Variants in CDK7 observed in about 807,000 individuals in gnomAD.
CDK7 encodes cyclin-dependent kinase 7.
In CDK7, 25 loss-of-function variants were observed where a neutral mutation model predicts 49.1. The ratio of observed to expected loss-of-function variants is 0.51; its 90% CI spans 0.37 to 0.71. CDK7 has a LOEUF of 0.71. Among genes scored for constraint, CDK7 ranks in the 30% least tolerant of loss-of-function variants. CDK7 has a pLI of 0.00. For synonymous variants in CDK7, 107 were observed against 140.0 expected (o/e 0.76, Z 1.67); for missense variants, 316 against 411.7 (o/e 0.77, Z 2.01).
At chr5:69,249,537 C>G (rs916679574) in intron 2 of CDK7, among the ~76,000 whole-genome samples, 1 of 145,342 alleles carries the variant, frequency 6.9e-6, no homozygotes, top group South Asian at 2.2e-4. Flanking sequence ...AGTGACAGAG[C>G]AAGACTCTGT....
At chr5:69,263,298 AGCCATAT>A (rs1750951105) in intron 8 of CDK7, among the ~76,000 whole-genome samples, 1 of 152,182 alleles carries the variant, frequency 6.6e-6, no homozygotes, top group African/African-American at 2.4e-5. Flanking sequence ...CCTCTCCTTA[AGCCATAT>A]GTATTTAAAG....
chr5:69,258,868 G>T, intron 6 of CDK7, among the ~76,000 whole-genome samples: 1 of 152,126 alleles, frequency 6.6e-6, no homozygotes, highest in East Asian at 1.9e-4. Flanking sequence ...TCGAGCCCAG[G>T]AGTTCTAGAC....
At chr5:69,269,350 C>G (rs760814592) in intron 9 of CDK7, 57 bp downstream of exon 9, 13 of 1,166,440 alleles carry the variant, frequency 1.1e-5, no homozygotes, top group Admixed American at 4.1e-5. Context: ...AGTTCTTAAA[C>G]TGTCATATAC....
At position 69,276,648 on chromosome 5, in the gene CDK7, G is replaced by C. The variant is rs1752170120; in HGVS notation, c.970G>C (p.Ala324Pro). ...VETLKEQSNP[A>P]LAIKRKRTEA... ...AACCTTAAAGGAGCAATCAAATCCAGCTTTGGCAATAAAAAGGAAAAGAAC... is the reference window on the plus strand; with the variant it reads ...AACCTTAAAGGAGCAATCAAATCCACCTTTGGCAATAAAAAGGAAAAGAAC... The change falls in exon 11 of 12, where the codon GCT (alanine) becomes CCT (proline). Residue 324 changes from alanine (A) to proline (P), a missense_variant. Ala to Pro is a conservative substitution (Grantham distance 27). Coordinates refer to ENST00000256443, the MANE Select transcript of CDK7 (RefSeq NM_001799.4). The C allele has an allele frequency of 2.5e-6, 4 of 1,614,154 alleles. No homozygotes were observed. Among genetic ancestry groups the C allele is most frequent in the Non-Finnish European group, 3.4e-6 (4 of 1,180,004 alleles).
intron 8 of CDK7, among the ~76,000 whole-genome samples, chr5:69,267,632 A>C (rs554227124): frequency 6.6e-6 from 1 of 152,216 alleles, no homozygotes; most frequent in South Asian, 2.1e-4. Flanking sequence ...CCACAATACC[A>C]TTGTCATCTG....
intron 2 of CDK7, among the ~76,000 whole-genome samples, chr5:69,245,186 C>G (rs1010213359): frequency 2.0e-5 from 3 of 151,720 alleles, no homozygotes; most frequent in African/African-American, 7.3e-5. Context: ...TAATACTGGC[C>G]CCATAGAATG....
chr5:69,273,883 AG>A (rs1031542649), intron 10 of CDK7, among the ~76,000 whole-genome samples: 4 of 152,138 alleles, frequency 2.6e-5, no homozygotes, highest in African/African-American at 9.7e-5. Context: ...ATATATATGG[AG>A]ATGGATGGAT....
chr5:69,241,486 C>T lies in CDK7; in HGVS notation c.126+6033C>T, dbSNP rs143261476. On this transcript the variant is annotated intron_variant, in intron 2 of 11. Coordinates refer to ENST00000256443, the MANE Select transcript of CDK7 (RefSeq NM_001799.4). ...CAGGTGCACACTGCATCACCACACCCGGCTAATTTTTGTATTTTTAGTAGA... is the reference window on the plus strand; with the variant it reads ...CAGGTGCACACTGCATCACCACACCTGGCTAATTTTTGTATTTTTAGTAGA... Among the ~76,000 whole-genome samples, 258 of 151,828 alleles carry T rather than the reference C, an allele frequency of 1.7e-3. 1 individual carries two copies. The highest frequency in any genetic ancestry group is 6.0e-3 in the African/African-American group (247 of 41,450).
chr5:69,259,818 G>T lies in CDK7; in HGVS notation c.409G>T (p.Asp137Tyr). Reference sequence around the variant, plus strand: ...TTTGTTTAAAACTTCCGTCATATAGGATCTGAAACCAAACAACTTGTTGCT... The same window carrying T: ...TTTGTTTAAAACTTCCGTCATATAGTATCTGAAACCAAACAACTTGTTGCT... ...YLHQHWILHRDLKPNNLLLDE... is the reference protein window; with the variant it reads ...YLHQHWILHRYLKPNNLLLDE... The change falls in exon 7 of 12, where the codon GAT becomes TAT. Residue 137 changes from aspartate (D) to tyrosine (Y), a missense_variant and splice_region_variant. By Grantham distance (160) the Asp-to-Tyr change is radical. Coordinates refer to ENST00000256443, the MANE Select transcript of CDK7 (RefSeq NM_001799.4). 1.2e-6 allele frequency: 2 copies of T among 1,606,534 alleles called. No individual in the cohort carries two copies. Among genetic ancestry groups the T allele is most frequent in the Non-Finnish European group, 1.7e-6 (2 of 1,173,220 alleles).
intron 9 of CDK7, among the ~76,000 whole-genome samples, chr5:69,269,595 G>C (rs1239956155): frequency 6.6e-6 from 1 of 151,674 alleles, no homozygotes; most frequent in Non-Finnish European, 1.5e-5. Flanking sequence ...AACATAAAAG[G>C]GTTGCATGTT....
chr5:69,235,260 C>G, intron 1 of CDK7, 134 bp from the exon 2 acceptor site: 1 of 799,218 alleles, frequency 1.3e-6, no homozygotes, highest in South Asian at 1.5e-5. Context: ...TGGACGGAGA[C>G]TGACCCGCCA....
chr5:69,249,772 G>A (rs1035592909), intron 2 of CDK7, among the ~76,000 whole-genome samples: 7 of 152,188 alleles, frequency 4.6e-5, no homozygotes, highest in Non-Finnish European at 1.0e-4. Flanking sequence ...CTTGAACCCA[G>A]GAGGCAGAGG....
At chr5:69,252,080 T>G (rs898654110) in intron 2 of CDK7, among the ~76,000 whole-genome samples, 6 of 152,238 alleles carry the variant, frequency 3.9e-5, no homozygotes, top group Non-Finnish European at 8.8e-5. Flanking sequence ...CCAAGTAGCC[T>G]AATTTGAAGT....
chr5:69,240,653 G>A (rs961747238), intron 2 of CDK7, among the ~76,000 whole-genome samples: 2 of 152,074 alleles, frequency 1.3e-5, no homozygotes, highest in Admixed American at 6.5e-5. Context: ...TTTTGAGACG[G>A]AGTCTCCCTC....
chr5:69,269,334 C>T, intron 9 of CDK7, 41 bp downstream of exon 9: 3 of 1,377,422 alleles, frequency 2.2e-6, no homozygotes, highest in Non-Finnish European at 3.1e-6. Flanking sequence ...AATTAGGACT[C>T]TGTAAAGTTC....
chr5:69,257,489 A>G (rs867706366), intron 5 of CDK7, among the ~76,000 whole-genome samples: 1 of 152,186 alleles, frequency 6.6e-6, no homozygotes, highest in African/African-American at 2.4e-5. Context: ...ACAGTTCTCA[A>G]TATGGTGTTC....
intron 5 of CDK7, among the ~76,000 whole-genome samples, chr5:69,257,298 C>A (rs1450249077): frequency 6.6e-6 from 1 of 151,950 alleles, no homozygotes; most frequent in Non-Finnish European, 1.5e-5. Context: ...GAACTATACA[C>A]TAAAAAGGGT....
chr5:69,235,023 C>T lies in CDK7; in HGVS notation c.48C>T (p.Asp16=), dbSNP rs1173024193. 6 of 1,603,960 alleles carry T rather than the reference C, an allele frequency of 3.7e-6. No individual in the cohort carries two copies. The highest frequency in any genetic ancestry group is 5.1e-6 in the Non-Finnish European group (6 of 1,175,564). Residue 16 remains aspartate, a synonymous_variant, in exon 1 of 12, where the codon GAC becomes GAT. Coordinates refer to ENST00000256443, the MANE Select transcript of CDK7 (RefSeq NM_001799.4). ...GGGCAAAGCGTTATGAGAAGCTGGA[C>T]TTCCTTGGGGAGGGACAGGTGAGGC... ...KSRAKRYEKL[D]FLGEGQFATV...
At chr5:69,269,337 T>C in intron 9 of CDK7, 44 bp downstream of exon 9, 2 of 1,350,326 alleles carry the variant, frequency 1.5e-6, no homozygotes, top group Non-Finnish European at 2.1e-6. Context: ...TAGGACTCTG[T>C]AAAGTTCTTA....
Sources: gnomAD v4.1 joint callset for allele counts (sites outside exome capture counted in the v4.1 genomes callset) on GRCh38, gnomAD v4.1.1 for gene constraint, MANE v1.5 for transcripts, NCBI Gene and HGNC (gene_info 2026-07-23, HGNC 2026-07-21) for gene names.